SUPT6H: variants seen among roughly 807,000 people sequenced by gnomAD.
SUPT6H encodes the protein SPT6 homolog, histone chaperone and transcription elongation factor.
SUPT6H carries 11 observed loss-of-function variants against 222.3 expected under a neutral mutation model. That is an observed-to-expected ratio of 0.05 (90% CI 0.03 to 0.08). The LOEUF is 0.08. Ranked by LOEUF, SUPT6H falls within the 10% of genes least tolerant of loss-of-function variation. SUPT6H has a pLI of 1.00. For synonymous variants in SUPT6H, 762 were observed against 801.2 expected (o/e 0.95, Z 0.83); for missense variants, 1,422 against 2,216.0 (o/e 0.64, Z 7.19).
At chr17:28,662,500 G>C (rs1183589392) in intron 1 of SUPT6H, among the ~76,000 whole-genome samples, 158 bp downstream of exon 1, 1 of 152,162 alleles carries the variant, frequency 6.6e-6, no homozygotes, top group Non-Finnish European at 1.5e-5. Context: ...GGGGAGGAAA[G>C]CGCTGTAGTT....
At chr17:28,667,403 GTGTATATATATATATATATATA>G (rs1464954508) in intron 1 of SUPT6H, among the ~76,000 whole-genome samples, 35 of 42,370 alleles carry the variant, frequency 8.3e-4, no homozygotes, top group Middle Eastern at 0.036. Context: ...AAGTGTGTGT[GTGTATATATATATATATATATA>G]TATATATATA....
intron 8 of SUPT6H, 38 bp downstream of exon 8, chr17:28,677,854 A>G: frequency 6.4e-7 from 1 of 1,574,106 alleles, no homozygotes; most frequent in Non-Finnish European, 8.7e-7. Flanking sequence ...ACATGAACCA[A>G]AAGACACTTC....
chr17:28,701,335 G>C (rs2032125084), intron 36 of SUPT6H, 104 bp from the exon 37 acceptor site: 14 of 1,468,884 alleles, frequency 9.5e-6, no homozygotes, highest in Non-Finnish European at 1.2e-5. Context: ...CAGTAGAGGG[G>C]CTGCTGCCCA....
At chr17:28,687,715 A>G (rs371123870) in intron 23 of SUPT6H, among the ~76,000 whole-genome samples, 3 of 152,032 alleles carry the variant, frequency 2.0e-5, no homozygotes, top group East Asian at 3.9e-4. Context: ...ACGGGGTTTC[A>G]CCATGTTGGC....
rs9915436 is a variant in SUPT6H at position 28,671,404 on chromosome 17, C to T, written c.-31-1967C>T. Among the ~76,000 whole-genome samples the T allele has an allele frequency of 9.7e-3, 1,474 of 152,276 alleles. 26 individuals are homozygous for T. Among genetic ancestry groups the T allele is most frequent in the African/African-American group, 0.033 (1,363 of 41,546 alleles). ...ATGTTTTCATGATTTTTATTAGTCT[C>T]TCTATTGGATATGTTCTTTATCTTC... On this transcript the variant is annotated intron_variant, in intron 1 of 36. Transcript: ENST00000314616.
Position 28,695,481 on chromosome 17 carries a change from G to A in SUPT6H, c.3904G>A (p.Asp1302Asn). 6.2e-7 allele frequency: 1 copy of A among 1,614,090 alleles called. No homozygotes were observed. Among genetic ancestry groups the A allele is most frequent in the Non-Finnish European group, 8.5e-7 (1 of 1,180,032 alleles). Residue 1302 changes from aspartate to asparagine, a missense_variant, in exon 29 of 37, where the codon GAC becomes AAC. This residue lies in a region of SUPT6H where 395 missense variants were observed against 580.6 expected (regional missense o/e 0.68). Coordinates refer to ENST00000314616, the MANE Select transcript of SUPT6H (RefSeq NM_003170.5). ...EWKLPKDTYY[D>N]FDAEAADHKQ... The stretch of plus-strand genomic sequence containing the variant: ...GAAGCTGCCCAAAGACACCTACTAT[G>A]ACTTTGATGCTGAAGCTGCAGACCA...
intron 7 of SUPT6H, 66 bp from the exon 8 acceptor site, chr17:28,677,649 G>C: frequency 8.7e-7 from 1 of 1,145,742 alleles, no homozygotes. Context: ...TGTCCAAAAA[G>C]GTATGTTTTT....
At chr17:28,676,539 A>T (rs1284862120) in intron 7 of SUPT6H, 109 bp downstream of exon 7, 1 of 1,525,570 alleles carries the variant, frequency 6.6e-7, no homozygotes, top group Non-Finnish European at 8.8e-7. Context: ...TTTGAACCTC[A>T]TCTCACCTGG....
chr17:28,676,492 T>G (rs1391532996), intron 7 of SUPT6H, 62 bp downstream of exon 7: 11 of 1,603,756 alleles, frequency 6.9e-6, no homozygotes, highest in Non-Finnish European at 8.5e-6. Flanking sequence ...CCAAGAAATA[T>G]TCTAGCAAAA....
intron 1 of SUPT6H, among the ~76,000 whole-genome samples, chr17:28,666,818 A>G (rs2030052561): frequency 6.6e-6 from 1 of 152,156 alleles, no homozygotes; most frequent in Non-Finnish European, 1.5e-5. Flanking sequence ...CAGCCTCCCA[A>G]AGTGCTGGCA....
intron 28 of SUPT6H, 100 bp downstream of exon 28, chr17:28,693,936 C>A (rs62066803): frequency 1.5e-5 from 22 of 1,482,586 alleles, no homozygotes; most frequent in Non-Finnish European, 1.9e-5. Context: ...AGGCTCTGTT[C>A]CCAGTGGCTG....
Position 28,675,106 on chromosome 17 carries a change from C to G in SUPT6H, c.482C>G (p.Ala161Gly), listed in dbSNP as rs745965909. The G allele has an allele frequency of 8.1e-6, 13 of 1,613,692 alleles. No individual in the cohort carries two copies. Among genetic ancestry groups the G allele is most frequent in the Middle Eastern group, 1.7e-4 (1 of 6,000 alleles). The change falls in exon 5 of 37, where the codon GCC (alanine) becomes GGC (glycine). Residue 161 changes from alanine (A) to glycine (G), a missense_variant. Coordinates refer to ENST00000314616, the MANE Select transcript of SUPT6H (RefSeq NM_003170.5). ...GGGGAAGGGGAAGAAGGGCAGGAGG[C>G]CATGGAGGCCCCCATGGCTCCTCCA... ...QDGEGEEGQE[A>G]MEAPMAPPEE...
intron 1 of SUPT6H, among the ~76,000 whole-genome samples, chr17:28,666,990 G>C (rs2030062909): frequency 6.6e-6 from 1 of 151,864 alleles, no homozygotes; most frequent in Admixed American, 6.6e-5. Flanking sequence ...GACTTAAGTA[G>C]ACTCTAAATA....
chr17:28,689,874 G>C (rs2031558496), intron 25 of SUPT6H, among the ~76,000 whole-genome samples: 1 of 152,122 alleles, frequency 6.6e-6, no homozygotes, highest in Non-Finnish European at 1.5e-5. Flanking sequence ...TTTATCTGTG[G>C]ACTCATTGGG....
chr17:28,677,471 G>A (rs770417637), intron 7 of SUPT6H, among the ~76,000 whole-genome samples: 20 of 152,022 alleles, frequency 1.3e-4, no homozygotes, highest in South Asian at 4.2e-4. Context: ...TTTGAACTCC[G>A]GAGGCGGAGG....
At chr17:28,685,479 ATTAT>A in intron 19 of SUPT6H, among the ~76,000 whole-genome samples, 2 of 36,436 alleles carry the variant, frequency 5.5e-5, no homozygotes, top group Middle Eastern at 0.018. Flanking sequence ...TATCATTATT[ATTAT>A]TATTATTATT....
Position 28,687,629 on chromosome 17 carries a change from C to T in SUPT6H, c.3006+158C>T, listed in dbSNP as rs182118694. On this transcript the variant is annotated intron_variant, in intron 23 of 36. Transcript: ENST00000314616. The stretch of plus-strand genomic sequence containing the variant: ...GAGTCAAAAGAGTCTGACTTCAGAC[C>T]CAGTTGGCCAAAGCTGTGCCCTTCA... Among the ~76,000 whole-genome samples the T allele has an allele frequency of 2.0e-5, 3 of 152,240 alleles. No homozygotes were observed. In the East Asian group the frequency reaches 5.8e-4, roughly 29 times the overall value.
rs773978147 is a variant in SUPT6H at position 28,683,727 on chromosome 17, G to A, written c.2140G>A (p.Glu714Lys). The change falls in exon 17 of 37, where the codon GAA becomes AAA. Residue 714 changes from glutamate (E) to lysine (K), a missense_variant. Coordinates refer to ENST00000314616, the MANE Select transcript of SUPT6H (RefSeq NM_003170.5). The part of the protein sequence containing the change: ...EWNRQRTMAI[E>K]RALQQFLYVQ... ...GAACCGGCAGCGCACCATGGCCATCGAACGGGCTTTACAGCAGTTCCTCTA... is the reference window on the plus strand; with the variant it reads ...GAACCGGCAGCGCACCATGGCCATCAAACGGGCTTTACAGCAGTTCCTCTA... The A allele has an allele frequency of 6.0e-5, 97 of 1,613,978 alleles. No individual in the cohort carries two copies. The highest frequency in any genetic ancestry group is 7.2e-5 in the Non-Finnish European group (85 of 1,180,044).
At chr17:28,684,425 A>G (rs1161516691) in intron 17 of SUPT6H, among the ~76,000 whole-genome samples, 161 bp from the exon 18 acceptor site, 1 of 152,194 alleles carries the variant, frequency 6.6e-6, no homozygotes, top group Non-Finnish European at 1.5e-5. Context: ...CAAGCAAGAT[A>G]TGCCTTCAGG....
Sources: gnomAD v4.1 joint callset for allele counts (sites outside exome capture counted in the v4.1 genomes callset) on GRCh38, gnomAD v4.1.1 for gene constraint, gnomAD v4.1.1 regional missense constraint, MANE v1.5 for transcripts, NCBI Gene and HGNC (gene_info 2026-07-23, HGNC 2026-07-21) for gene names.